Variants in IKZF2 observed in about 807,000 individuals in gnomAD.
The protein encoded by IKZF2 is IKAROS family zinc finger 2, also known as zinc finger protein Helios.
In IKZF2, 15 loss-of-function variants were observed where a neutral mutation model predicts 49.2. The ratio of observed to expected loss-of-function variants is 0.30; its 90% CI spans 0.20 to 0.47. The LOEUF is 0.47. Among genes scored for constraint, IKZF2 ranks in the 20% least tolerant of loss-of-function variants. The probability of loss-of-function intolerance (pLI) is 1.00; values close to 1 mark genes in which losing one functional copy is unlikely to be tolerated. For synonymous variants in IKZF2, 227 were observed against 221.4 expected (o/e 1.03, Z -0.23); for missense variants, 567 against 664.6 (o/e 0.85, Z 1.61).
rs1346984192 is a variant in IKZF2 at position 213,005,206 on chromosome 2, G to A, written c.*2154C>T. The A allele has an allele frequency of 1.4e-5, 2 of 142,474 alleles. No individual in the cohort carries two copies. Among genetic ancestry groups the A allele is most frequent in the Non-Finnish European group, 3.1e-5 (2 of 65,094 alleles). The allele number at this position is 142,474 out of a possible 1,614,324, so 8.8% of individuals were successfully genotyped here. ...AGTGGTTGGGTGGGGGGGGGTGAGCGAGTCTCAAAAACATGCTTTATCTTT... is the reference window on the plus strand; with the variant it reads ...AGTGGTTGGGTGGGGGGGGGTGAGCAAGTCTCAAAAACATGCTTTATCTTT... On this transcript the variant is annotated 3_prime_UTR_variant, in exon 9 of 9. Coordinates refer to ENST00000434687, the MANE Select transcript of IKZF2 (RefSeq NM_001387220.1).
chr2:213,149,553 T>A (rs148933094), intron 2 of IKZF2, among the ~76,000 whole-genome samples: 1 of 152,134 alleles, frequency 6.6e-6, no homozygotes, highest in Admixed American at 6.5e-5. Context: ...TACTTTTTTT[T>A]CCCCCTTTGG....
rs1198197378 is a variant in IKZF2 at position 213,114,374 on chromosome 2, GA to G, written c.139+33333del. Among the ~76,000 whole-genome samples the G allele has an allele frequency of 7.2e-5, 11 of 152,166 alleles. 1 individual carries two copies. The Middle Eastern group carries it at 0.02, about 282-fold the overall frequency. On this transcript the variant is annotated intron_variant, in intron 4 of 8. Coordinates refer to ENST00000434687, the MANE Select transcript of IKZF2 (RefSeq NM_001387220.1). ...TTGAATTAAATCAAATATTTAAAAAGACCAAGTTTTTTCTTCCTTTCCTATT... is the reference window on the plus strand; with the variant it reads ...TTGAATTAAATCAAATATTTAAAAAGCCAAGTTTTTTCTTCCTTTCCTATT...
intron 4 of IKZF2, among the ~76,000 whole-genome samples, chr2:213,071,201 T>C (rs1192836745): frequency 1.3e-5 from 2 of 152,092 alleles, no homozygotes; most frequent in Admixed American, 6.6e-5. Flanking sequence ...GAATTCAAAG[T>C]CTTTTTCCAT....
chr2:213,072,256 T>C (rs1702786252), intron 4 of IKZF2, among the ~76,000 whole-genome samples: 2 of 151,204 alleles, frequency 1.3e-5, no homozygotes, highest in African/African-American at 4.9e-5. Flanking sequence ...CTGTCACTAA[T>C]TGGTCAAAAA....
chr2:213,133,473 G>C (rs112889422), intron 4 of IKZF2, among the ~76,000 whole-genome samples: 2,244 of 152,232 alleles, frequency 0.015, 51 homozygotes, highest in African/African-American at 0.051. Flanking sequence ...GCTCACGCCT[G>C]TGATCCCAGC....
At chr2:213,043,081 G>T (rs1699821835) in intron 6 of IKZF2, among the ~76,000 whole-genome samples, 1 of 151,830 alleles carries the variant, frequency 6.6e-6, no homozygotes, top group Middle Eastern at 3.2e-3. Context: ...CCAGGCCTAT[G>T]CAATAAAAAC....
At chr2:213,113,717 T>C (rs10179425) in intron 4 of IKZF2, among the ~76,000 whole-genome samples, 56,701 of 151,982 alleles carry the variant, frequency 0.37, 13,182 homozygotes, top group East Asian at 0.73. Flanking sequence ...TACCTATTGA[T>C]ACTTGGCACA....
At chr2:213,090,899 G>A (rs143518149) in intron 4 of IKZF2, among the ~76,000 whole-genome samples, 116 of 152,228 alleles carry the variant, frequency 7.6e-4, no homozygotes, top group African/African-American at 2.7e-3. Context: ...CCAGAACTGT[G>A]AGGCAATAAA....
intron 4 of IKZF2, among the ~76,000 whole-genome samples, chr2:213,082,100 G>A (rs1157587848): frequency 1.3e-5 from 2 of 152,148 alleles, no homozygotes; most frequent in Non-Finnish European, 2.9e-5. Flanking sequence ...CAATAGTGAT[G>A]AAATATCTAG....
intron 4 of IKZF2, 41 bp downstream of exon 4, chr2:213,147,667 G>C (rs746413731): frequency 1.5e-5 from 21 of 1,396,416 alleles, no homozygotes; most frequent in African/African-American, 4.2e-5. Flanking sequence ...TTGCTGGAGA[G>C]ACACACACAC....
rs533924488 is a variant in IKZF2, at chr2:213,031,508, A to C, written c.575-9378T>G. On this transcript the variant is annotated intron_variant, in intron 6 of 8. Coordinates refer to ENST00000434687, the MANE Select transcript of IKZF2 (RefSeq NM_001387220.1). ...GCACTCTGGAAGAAAAATAGTCACAATTCAAACAAGAAAATGTCTTATGTA... is the reference window on the plus strand; with the variant it reads ...GCACTCTGGAAGAAAAATAGTCACACTTCAAACAAGAAAATGTCTTATGTA... 2.0e-5 allele frequency among the ~76,000 whole-genome samples: 3 copies of C among 152,344 alleles called. No individual in the cohort carries two copies. The East Asian group carries it at 5.8e-4, about 29-fold the overall frequency.
At chr2:213,114,631 C>A (rs2125792802) in intron 4 of IKZF2, among the ~76,000 whole-genome samples, 1 of 152,044 alleles carries the variant, frequency 6.6e-6, no homozygotes, top group East Asian at 1.9e-4. Context: ...ATGCAAAAAC[C>A]TCTTAAGAAA....
intron 7 of IKZF2, chr2:213,015,211 G>C (rs1696438334): frequency 6.6e-6 from 1 of 151,998 alleles, no homozygotes; most frequent in Admixed American, 6.6e-5. Flanking sequence ...CATGTTTAAA[G>C]AAATCAACAT....
upstream of IKZF2, chr2:213,151,715 T>TGGCGGCGGCTGC (rs1559339901): frequency 6.8e-6 from 1 of 146,616 alleles, no homozygotes; most frequent in Non-Finnish European, 1.5e-5. Context: ...GAGGGCGGGC[T>TGGCGGCGGCTGC]GGCGGCGGCT....
intron 1 of IKZF2, 165 bp from the exon 2 acceptor site, chr2:213,150,412 T>G: frequency 3.7e-6 from 1 of 267,986 alleles, no homozygotes; most frequent in South Asian, 3.6e-5. Flanking sequence ...AGCAAACAGA[T>G]CGGCTGATAA....
Position 213,150,285 on chromosome 2 carries a change from G to C in IKZF2, c.-119-38C>G, listed in dbSNP as rs2061236814. The C allele has an allele frequency of 7.5e-6, 6 of 804,518 alleles. No homozygotes were observed. In the East Asian group the frequency reaches 3.2e-4, roughly 42 times the overall value. The allele number at this position is 804,518 out of a possible 1,614,324, so 49.8% of individuals were successfully genotyped here. A position where few individuals can be genotyped will look rare whatever the true frequency, so the allele number is the denominator to read the frequency against. The stretch of plus-strand genomic sequence containing the variant: ...GGAGGGAGAAAGAAAGAAGTTTTTT[G>C]TGTTTCCCCCTTCTCTCTTTCCCTC... On this transcript the variant is annotated intron_variant, in intron 1 of 8. Coordinates refer to ENST00000434687, the MANE Select transcript of IKZF2 (RefSeq NM_001387220.1).
chr2:213,059,729 C>A (rs1701501357), intron 4 of IKZF2, among the ~76,000 whole-genome samples: 1 of 151,408 alleles, frequency 6.6e-6, no homozygotes, highest in African/African-American at 2.4e-5. Context: ...ATATGACTGA[C>A]ATTACACTAC....
intron 4 of IKZF2, among the ~76,000 whole-genome samples, chr2:213,106,217 C>CT (rs1458223293): frequency 6.7e-6 from 1 of 149,494 alleles, no homozygotes; most frequent in African/African-American, 2.6e-5. Context: ...TAAAATCAAT[C>CT]TTTTTTTAAA....
intron 4 of IKZF2, among the ~76,000 whole-genome samples, chr2:213,072,922 T>C (rs866548321): frequency 1.3e-5 from 2 of 152,156 alleles, no homozygotes; most frequent in Admixed American, 6.5e-5. Context: ...CTGCTTAAGC[T>C]TCTTCAATAC....
Sources: allele counts gnomAD v4.1 joint callset (sites outside exome capture counted in the v4.1 genomes callset), GRCh38; gene constraint gnomAD v4.1.1; transcripts MANE v1.5; gene names NCBI Gene and HGNC (gene_info 2026-07-23, HGNC 2026-07-21).